The following PAPPA2 variants were observed in gnomAD, a reference collection of about 807,000 sequenced individuals.
PAPPA2 encodes pappalysin 2.
In PAPPA2, 86 loss-of-function variants were observed where a neutral mutation model predicts 176.4. That is an observed-to-expected ratio of 0.49 (90% CI 0.41 to 0.58). The LOEUF (loss-of-function observed/expected upper bound fraction) is 0.58, where lower values mean the gene tolerates loss of function less well. PAPPA2 is among the 20% of genes least tolerant of loss of function. The pLI is 0.00. For synonymous variants in PAPPA2, 809 were observed against 852.2 expected, an observed-to-expected ratio of 0.95 and a Z score of 0.88; for missense variants, 2,073 against 2,256.9, an observed-to-expected ratio of 0.92 and a Z score of 1.65.
intron 12 of PAPPA2, among the ~76,000 whole-genome samples, chr1:176,738,984 A>G (rs562124505): frequency 1.3e-5 from 2 of 152,082 alleles, no homozygotes; most frequent in East Asian, 3.9e-4. Context: ...TTGTTGGCTT[A>G]TTTTCCTGGC....
intron 20 of PAPPA2, among the ~76,000 whole-genome samples, chr1:176,798,611 C>G (rs977979595): frequency 6.6e-6 from 1 of 152,168 alleles, no homozygotes; most frequent in Non-Finnish European, 1.5e-5. Flanking sequence ...TCCAGTGGAA[C>G]CTGCTTTAAA....
intron 1 of PAPPA2, among the ~76,000 whole-genome samples, chr1:176,485,257 A>G (rs1390485682): frequency 1.3e-5 from 2 of 152,208 alleles, no homozygotes; most frequent in East Asian, 3.9e-4. Flanking sequence ...CACTCAGAGT[A>G]AAAGTCCTTA....
intron 21 of PAPPA2, among the ~76,000 whole-genome samples, chr1:176,811,031 T>C (rs1251857954): frequency 6.6e-6 from 1 of 152,200 alleles, no homozygotes; most frequent in East Asian, 1.9e-4. Flanking sequence ...ACTTTAGTAA[T>C]ATATTTTTTA....
At chr1:176,494,389 G>A (rs958746846) in intron 1 of PAPPA2, among the ~76,000 whole-genome samples, 43 of 152,196 alleles carry the variant, frequency 2.8e-4, no homozygotes, top group Non-Finnish European at 3.4e-4. Context: ...GGCCTTCCAA[G>A]TTAAGCATGA....
At chr1:176,791,633 A>C in intron 19 of PAPPA2, 151 bp downstream of exon 19, 1 of 871,804 alleles carries the variant, frequency 1.1e-6, no homozygotes, top group Non-Finnish European at 1.7e-6. Context: ...AGCTCACTGC[A>C]ACCTCCATTT....
At chr1:176,690,470 A>G (rs375185243) in intron 5 of PAPPA2, 40 bp downstream of exon 5, 142 of 1,592,902 alleles carry the variant, frequency 8.9e-5, no homozygotes, top group Non-Finnish European at 1.1e-4. Context: ...TTAAGAATAC[A>G]TGGGGGCCTT....
rs1667411966 is a variant in PAPPA2 at position 176,839,737 on chromosome 1, C to A, written c.5203-436C>A. 4.6e-5 allele frequency among the ~76,000 whole-genome samples: 7 copies of A among 152,248 alleles called. No homozygotes were observed. The South Asian group carries it at 1.5e-3, about 32-fold the overall frequency. On this transcript the variant is annotated intron_variant, in intron 21 of 22. Coordinates refer to ENST00000367662, the MANE Select transcript of PAPPA2 (RefSeq NM_020318.3). ...TCTGACACTTGCTATGTGACCTGGG[C>A]AATTCTTATCATCTCTATGCATCCT...
chr1:176,833,118 A>G (rs977491225), intron 21 of PAPPA2, among the ~76,000 whole-genome samples: 1 of 152,230 alleles, frequency 6.6e-6, no homozygotes, highest in African/African-American at 2.4e-5. Context: ...TCTTTCTTTC[A>G]ATTACATCTT....
chr1:176,562,416 A>G (rs560644247), intron 2 of PAPPA2, among the ~76,000 whole-genome samples: 3 of 152,308 alleles, frequency 2.0e-5, no homozygotes, highest in Non-Finnish European at 2.9e-5. Flanking sequence ...CCTTTATCCA[A>G]TAGGACTCAA....
At chr1:176,837,281 C>T (rs965698942) in intron 21 of PAPPA2, among the ~76,000 whole-genome samples, 2 of 152,068 alleles carry the variant, frequency 1.3e-5, no homozygotes, top group Non-Finnish European at 1.5e-5. Context: ...AGCGCTCTCT[C>T]AGATTTAAGT....
chr1:176,776,575 C>A (rs533396403), intron 17 of PAPPA2, among the ~76,000 whole-genome samples: 34 of 152,184 alleles, frequency 2.2e-4, no homozygotes, highest in Non-Finnish European at 4.7e-4. Context: ...CCTTGTCTGA[C>A]CTAAATTGGG....
chr1:176,776,133 AAAGT>A (rs1208312342), intron 17 of PAPPA2, among the ~76,000 whole-genome samples: 1 of 152,162 alleles, frequency 6.6e-6, no homozygotes, highest in Non-Finnish European at 1.5e-5. Flanking sequence ...CTGGGAAGCT[AAAGT>A]AAGTGTGTTT....
At chr1:176,601,634 T>C (rs533756963) in intron 3 of PAPPA2, among the ~76,000 whole-genome samples, 1 of 152,226 alleles carries the variant, frequency 6.6e-6, no homozygotes, top group African/African-American at 2.4e-5. Context: ...TGTTTCTACA[T>C]AGTAGCTGCC....
In PAPPA2 at chr1:176,483,460, C is replaced by CTTTT. The variant is rs56705620; in HGVS notation, c.-917+20067_-917+20070dup. On this transcript the variant is annotated intron_variant, in intron 1 of 22. Coordinates refer to ENST00000367662, the MANE Select transcript of PAPPA2 (RefSeq NM_020318.3). Reference sequence around the variant, plus strand: ...CCTCCCTTAGGTGAAACTCAGACATCTTTTTTTTTTTTTTTTTTTTTTTTT... The same window carrying CTTTT: ...CCTCCCTTAGGTGAAACTCAGACATCTTTTTTTTTTTTTTTTTTTTTTTTTTTTT... Among the ~76,000 whole-genome samples the CTTTT allele has an allele frequency of 1.1e-3, 55 of 48,628 alleles. 2 individuals are homozygous for CTTTT. The highest frequency in any genetic ancestry group is 3.7e-3 in the African/African-American group (51 of 13,630). The allele number at this position is 48,628 out of a possible 152,430, so 31.9% of individuals were successfully genotyped here. A position where few individuals can be genotyped will look rare whatever the true frequency, so the allele number is the denominator to read the frequency against.
intron 2 of PAPPA2, among the ~76,000 whole-genome samples, chr1:176,579,798 GT>G (rs547849688): frequency 1.3e-5 from 2 of 152,312 alleles, no homozygotes; most frequent in East Asian, 3.9e-4. Flanking sequence ...CTGATTCTCA[GT>G]TTTTTGGTCT....
chr1:176,767,118 T>C (rs1406985493), intron 15 of PAPPA2, among the ~76,000 whole-genome samples: 1 of 152,174 alleles, frequency 6.6e-6, no homozygotes, highest in African/African-American at 2.4e-5. Flanking sequence ...TTATTACCTG[T>C]TCTTTACCCA....
chr1:176,471,548 G>A (rs1362512460), intron 1 of PAPPA2, among the ~76,000 whole-genome samples: 2 of 152,182 alleles, frequency 1.3e-5, no homozygotes, highest in African/African-American at 4.8e-5. Flanking sequence ...AACTTGGTCA[G>A]CAGAATCAGA....
In PAPPA2 at chr1:176,782,059, G is replaced by A. The variant is rs140823904; in HGVS notation, c.4716-7750G>A. The stretch of plus-strand genomic sequence containing the variant: ...GATCCTCAGCACAAATGCACTAAGT[G>A]AAGAGAGGTAATTTATCCATAGCTC... On this transcript the variant is annotated intron_variant, in intron 17 of 22. Transcript: ENST00000367662. 6.6e-5 allele frequency among the ~76,000 whole-genome samples: 10 copies of A among 152,326 alleles called. No individual in the cohort carries two copies. In the East Asian group the frequency reaches 1.9e-3, roughly 29 times the overall value.
chr1:176,590,287 A>C (rs372208103), intron 2 of PAPPA2, among the ~76,000 whole-genome samples: 6 of 152,338 alleles, frequency 3.9e-5, no homozygotes, highest in African/African-American at 9.6e-5. Context: ...CTGGTTCATC[A>C]GAGCCAATTG....
Sources: gnomAD v4.1 joint callset for allele counts (sites outside exome capture counted in the v4.1 genomes callset) on GRCh38, gnomAD v4.1.1 for gene constraint, MANE v1.5 for transcripts, NCBI Gene and HGNC (gene_info 2026-07-23, HGNC 2026-07-21) for gene names.